RFX8: variants seen among roughly 807,000 people sequenced by gnomAD.
RFX8 encodes the protein DNA-binding protein RFX8.
In RFX8, 46 loss-of-function variants were observed where a neutral mutation model predicts 54.6. The ratio of observed to expected loss-of-function variants is 0.84; its 90% confidence interval spans 0.67 to 1.08. RFX8 has a LOEUF of 1.08. Ranked by LOEUF, RFX8 falls within the 50% of genes least tolerant of loss-of-function variation. The pLI, the probability that RFX8 is intolerant of heterozygous loss-of-function variation, is 0.00. For missense variants in RFX8, 536 were observed against 562.3 expected (o/e 0.95, Z 0.47); for synonymous variants, 192 against 209.5 (o/e 0.92, Z 0.72).
chr2:101,424,166 C>T (rs1486107626), intron 2 of RFX8, among the ~76,000 whole-genome samples: 2 of 152,204 alleles, frequency 1.3e-5, no homozygotes, highest in African/African-American at 4.8e-5. Context: ...TGGGTGCTGT[C>T]TAAACCTCAT....
intron 5 of RFX8, among the ~76,000 whole-genome samples, chr2:101,418,501 A>G (rs1236066773): frequency 2.6e-5 from 4 of 152,232 alleles, no homozygotes; most frequent in East Asian, 1.9e-4. Flanking sequence ...GCAAAGCAAA[A>G]CAAAACAAAA....
At chr2:101,411,936 G>A (rs950332824) in intron 8 of RFX8, among the ~76,000 whole-genome samples, 3 of 152,162 alleles carry the variant, frequency 2.0e-5, no homozygotes, top group Non-Finnish European at 2.9e-5. Context: ...TTCTGTATCC[G>A]TCAAGTCACG....
Position 101,420,474 on chromosome 2 carries a change from G to C in RFX8, c.237+1250C>G, listed in dbSNP as rs565158556. On this transcript the variant is annotated intron_variant, in intron 4 of 11. Coordinates refer to ENST00000428343, the MANE Select transcript of RFX8 (RefSeq NM_001145664.2). The stretch of plus-strand genomic sequence containing the variant: ...CAGGAGAATCGCTTGAACTCAGGAG[G>C]TGGAGGTACAGTGAGCCGAGATCGC... 1.1e-3 allele frequency among the ~76,000 whole-genome samples: 174 copies of C among 152,114 alleles called. 1 individual carries two copies. The highest frequency in any genetic ancestry group is 3.9e-3 in the African/African-American group (160 of 41,464).
chr2:101,430,405 G>A (rs1398010682), intron 2 of RFX8, among the ~76,000 whole-genome samples: 1 of 152,206 alleles, frequency 6.6e-6, no homozygotes, highest in Non-Finnish European at 1.5e-5. Context: ...AGATAATTAA[G>A]GTTAAATGAG....
chr2:101,450,734 T>C (rs1345710507), intron 2 of RFX8: 1 of 938,230 alleles, frequency 1.1e-6, no homozygotes, highest in African/African-American at 1.6e-5. Context: ...ACATGCTTTA[T>C]GGAAGGCAGA....
At chr2:101,466,973 A>C (rs1689608039) in intron 1 of RFX8, 73 bp from the exon 2 acceptor site, 1 of 697,658 alleles carries the variant, frequency 1.4e-6, no homozygotes, top group South Asian at 1.5e-5. Context: ...GACAAAATCA[A>C]TGGTCAAGAT....
In RFX8 at chr2:101,423,317, G is replaced by A. The variant is rs376579224; in HGVS notation, c.73-845C>T. Among the ~76,000 whole-genome samples the A allele has an allele frequency of 9.9e-5, 15 of 151,318 alleles. No individual in the cohort carries two copies. The East Asian group carries it at 2.5e-3, about 25-fold the overall frequency. ...TGGGAAGGAGGAAGAAAGGTGGCATGGCAGAAAGCAAGTGCGACATTCCTC... is the reference window on the plus strand; with the variant it reads ...TGGGAAGGAGGAAGAAAGGTGGCATAGCAGAAAGCAAGTGCGACATTCCTC... On this transcript the variant is annotated intron_variant, in intron 2 of 11. Transcript: ENST00000428343.
intron 2 of RFX8, chr2:101,452,388 G>T: frequency 1.4e-6 from 2 of 1,428,786 alleles, no homozygotes; most frequent in South Asian, 1.4e-5. Flanking sequence ...AACCTACCTG[G>T]CACTTCCTCT....
Position 101,407,820 on chromosome 2 carries a change from G to A in RFX8, c.814-1763C>T, listed in dbSNP as rs574812326. 6.6e-5 allele frequency among the ~76,000 whole-genome samples: 10 copies of A among 152,224 alleles called. No homozygotes were observed. In the South Asian group the frequency reaches 1.2e-3, roughly 19 times the overall value. On this transcript the variant is annotated intron_variant, in intron 9 of 11. Transcript: ENST00000428343. ...ATGAACACCATTGAGCTTTCTTCCCGTCACGTCCACAGTGTGGCACTTCAT... is the reference window on the plus strand; with the variant it reads ...ATGAACACCATTGAGCTTTCTTCCCATCACGTCCACAGTGTGGCACTTCAT...
At chr2:101,454,913 T>C (rs1483907040) in intron 2 of RFX8, among the ~76,000 whole-genome samples, 2 of 152,228 alleles carry the variant, frequency 1.3e-5, no homozygotes, top group African/African-American at 4.8e-5. Context: ...TAGATCCCAT[T>C]TGTCAATTTT....
chr2:101,448,187 G>A (rs1189565932), intron 2 of RFX8, among the ~76,000 whole-genome samples: 1 of 152,206 alleles, frequency 6.6e-6, no homozygotes, highest in African/African-American at 2.4e-5. Context: ...TCAAACCACA[G>A]CAGGACAGAA....
intron 2 of RFX8, chr2:101,452,392 T>C: frequency 7.0e-7 from 1 of 1,434,064 alleles, no homozygotes; most frequent in South Asian, 1.4e-5. Context: ...TACCTGGCAC[T>C]TCCTCTAGTG....
At chr2:101,436,716 G>C (rs553134602) in intron 2 of RFX8, among the ~76,000 whole-genome samples, 19 of 152,282 alleles carry the variant, frequency 1.2e-4, no homozygotes, top group Admixed American at 1.1e-3. Context: ...ATTCGTAAAA[G>C]TCGTGTGTGA....
chr2:101,465,655 T>C (rs957924540), intron 2 of RFX8, among the ~76,000 whole-genome samples: 4 of 152,254 alleles, frequency 2.6e-5, no homozygotes, highest in Non-Finnish European at 5.9e-5. Context: ...TTTGTATTTA[T>C]ATAGAGTATT....
At chr2:101,423,580 C>T (rs768544804) in intron 2 of RFX8, among the ~76,000 whole-genome samples, 11 of 152,162 alleles carry the variant, frequency 7.2e-5, no homozygotes, top group Non-Finnish European at 1.5e-4. Context: ...TCTCTCAAAC[C>T]TCATGACCCG....
chr2:101,427,038 C>T (rs1025287228), intron 2 of RFX8, among the ~76,000 whole-genome samples: 10 of 152,322 alleles, frequency 6.6e-5, no homozygotes, highest in East Asian at 1.9e-4. Context: ...AGCATATGCA[C>T]GCTGGGTTCC....
At chr2:101,423,172 T>C in intron 2 of RFX8, among the ~76,000 whole-genome samples, 1 of 150,802 alleles carries the variant, frequency 6.6e-6, no homozygotes, top group East Asian at 2.0e-4. Flanking sequence ...GTGGGAGAAT[T>C]GCTTGAGCCC....
At chr2:101,397,864 C>CA in intron 11 of RFX8, 140 bp from the exon 12 acceptor site, 2 of 540,626 alleles carry the variant, frequency 3.7e-6, no homozygotes, top group Non-Finnish European at 5.9e-6. Flanking sequence ...GCATTTATTC[C>CA]TTTTTTTTTT....
intron 9 of RFX8, among the ~76,000 whole-genome samples, chr2:101,408,831 T>C (rs1174223580): frequency 6.6e-6 from 1 of 152,216 alleles, no homozygotes; most frequent in Admixed American, 6.5e-5. Flanking sequence ...CCCTGCAGTC[T>C]TCTTGGTCTC....
Sources: gnomAD v4.1 joint callset for allele counts (sites outside exome capture counted in the v4.1 genomes callset) on GRCh38, gnomAD v4.1.1 for gene constraint, MANE v1.5 for transcripts, NCBI Gene and HGNC (gene_info 2026-07-23, HGNC 2026-07-21) for gene names.